THOC5: variants seen among roughly 807,000 people sequenced by gnomAD.
THOC5 encodes THO complex subunit 5.
Under a neutral mutation model 92.9 loss-of-function variants are expected in THOC5, and 43 were observed. That is an observed-to-expected ratio of 0.46 (90% confidence interval 0.36 to 0.60). The LOEUF is 0.60. Ranked by LOEUF, THOC5 falls within the 20% of genes least tolerant of loss-of-function variation. The pLI, the probability that THOC5 is intolerant of heterozygous loss-of-function variation, is 0.00. For synonymous variants in THOC5, 296 were observed against 320.1 expected (o/e 0.92, Z 0.80); for missense variants, 659 against 849.4 (o/e 0.78, Z 2.79).
intron 17 of THOC5, among the ~76,000 whole-genome samples, 174 bp downstream of exon 17, chr22:29,516,855 C>T (rs1365799175): frequency 6.6e-6 from 1 of 152,170 alleles, no homozygotes; most frequent in Non-Finnish European, 1.5e-5. Context: ...TGATACACAG[C>T]GTGTGTGTGA....
At position 29,508,412 on chromosome 22, in the gene THOC5, T is replaced by G; in HGVS notation, c.*45A>C. The G allele has an allele frequency of 6.3e-7, 1 of 1,586,724 alleles. No homozygotes were observed. The highest frequency in any genetic ancestry group is 1.1e-5 in the South Asian group (1 of 90,430). On this transcript the variant is annotated 3_prime_UTR_variant, in exon 20 of 20. Transcript: ENST00000490103. ...GCCAGAGCAGAAAGCAGAAGCCCAG[T>G]GCTCAGGGTGAGGCCTTGGGGGAAA...
At chr22:29,542,221 A>G (rs2063911636) in intron 5 of THOC5, among the ~76,000 whole-genome samples, 1 of 152,144 alleles carries the variant, frequency 6.6e-6, no homozygotes, top group African/African-American at 2.4e-5. Flanking sequence ...AGGTTAAAAG[A>G]ATGTGACTGG....
chr22:29,516,802 T>C (rs1006241921), intron 17 of THOC5, among the ~76,000 whole-genome samples: 10 of 152,178 alleles, frequency 6.6e-5, no homozygotes, highest in Non-Finnish European at 1.0e-4. Context: ...CCATGTAAAA[T>C]AGAAATGAAA....
chr22:29,544,662 C>G, intron 2 of THOC5, 59 bp from the exon 3 acceptor site: 1 of 1,449,264 alleles, frequency 6.9e-7, no homozygotes, highest in Non-Finnish European at 9.2e-7. Flanking sequence ...CTGCTGGGAT[C>G]AGGGACACTT....
At chr22:29,549,249 C>G in intron 1 of THOC5, 91 bp from the exon 2 acceptor site, 2 of 1,121,226 alleles carry the variant, frequency 1.8e-6, no homozygotes. Context: ...CTTGGTAACT[C>G]AAGGAAAGTC....
At chr22:29,541,640 T>A (rs2063885409) in intron 5 of THOC5, among the ~76,000 whole-genome samples, 1 of 150,080 alleles carries the variant, frequency 6.7e-6, no homozygotes, top group Non-Finnish European at 1.5e-5. Context: ...GGCAGGCGGA[T>A]CATAAGATCA....
intron 5 of THOC5, among the ~76,000 whole-genome samples, chr22:29,541,777 C>T (rs1473132904): frequency 1.5e-5 from 2 of 137,730 alleles, no homozygotes; most frequent in South Asian, 2.4e-4. Context: ...AGGAGAATGG[C>T]GTGAACCCGG....
intron 7 of THOC5, chr22:29,535,326 A>C (rs1402990103): frequency 1.3e-5 from 2 of 151,254 alleles, no homozygotes; most frequent in African/African-American, 4.9e-5. Context: ...GGTAAGGAAA[A>C]GGAAAAAAAA....
Position 29,520,124 on chromosome 22 carries a change from T to C in THOC5, c.1278-20A>G. On this transcript the variant is annotated intron_variant, in intron 13 of 19. Coordinates refer to ENST00000490103, the MANE Select transcript of THOC5 (RefSeq NM_003678.5). ...AGGATGCTGCAGAAAAGAAGATAAA[T>C]AAAATTGTGCTGTAAGTCATTTCTG... 1 of 1,608,882 alleles carries C rather than the reference T, an allele frequency of 6.2e-7. No individual in the cohort carries two copies. The highest frequency in any genetic ancestry group is 8.5e-7 in the Non-Finnish European group (1 of 1,176,096).
intron 17 of THOC5, among the ~76,000 whole-genome samples, chr22:29,514,378 G>A (rs566252631): frequency 3.8e-5 from 5 of 131,456 alleles, no homozygotes; most frequent in South Asian, 4.9e-4. Context: ...GTGCAGTGGC[G>A]CCATCTCAGC....
chr22:29,511,929 G>A, intron 18 of THOC5, 92 bp downstream of exon 18: 1 of 1,035,230 alleles, frequency 9.7e-7, no homozygotes, highest in Non-Finnish European at 1.5e-6. Flanking sequence ...AATTAAGGCA[G>A]TGCCCAAGTC....
At chr22:29,537,640 C>G (rs2063785928) in intron 6 of THOC5, among the ~76,000 whole-genome samples, 1 of 151,884 alleles carries the variant, frequency 6.6e-6, no homozygotes, top group Non-Finnish European at 1.5e-5. Context: ...GCCTGTAATC[C>G]CAACACTTTG....
At position 29,520,057 on chromosome 22, in the gene THOC5, A is replaced by G. The variant is rs1569212908; in HGVS notation, c.1325T>C (p.Leu442Ser). 1.2e-6 allele frequency: 2 copies of G among 1,613,960 alleles called. No individual in the cohort carries two copies. The highest frequency in any genetic ancestry group is 3.3e-4 in the Middle Eastern group (2 of 6,034). The change falls in exon 14 of 20, where the codon TTG (leucine) becomes TCG (serine). Residue 442 changes from leucine (L) to serine (S), a missense_variant. By Grantham distance (145) the Leu-to-Ser change is moderately radical (BLOSUM62 -2). Coordinates refer to ENST00000490103, the MANE Select transcript of THOC5 (RefSeq NM_003678.5). The stretch of plus-strand genomic sequence containing the variant: ...GAGGCCACCCAGCTTCTGCACCCAC[A>G]AATAGGGGTGACCTAGCTCAAGTAC... Reference protein sequence around the residue: ...DYVLELGHPYLWVQKLGGLHF... With the variant: ...DYVLELGHPYSWVQKLGGLHF...
chr22:29,509,319 T>C (rs2063180986), intron 19 of THOC5, among the ~76,000 whole-genome samples: 1 of 151,602 alleles, frequency 6.6e-6, no homozygotes, highest in Non-Finnish European at 1.5e-5. Context: ...ATGGGTCCTT[T>C]GGGAACCACT....
rs2063147672 is a variant in THOC5, at chr22:29,507,177, A to G, written c.*1280T>C. ...TGAGTCCCTGCACAGATTTTGTTCA[A>G]TAAAAATAACAGTGGTGCCTGCCTC... On this transcript the variant is annotated 3_prime_UTR_variant, in exon 20 of 20. Transcript: ENST00000490103. The G allele has an allele frequency of 6.6e-6, 1 of 151,996 alleles. No homozygotes were observed. Among genetic ancestry groups the G allele is most frequent in the Non-Finnish European group, 1.5e-5 (1 of 68,028 alleles). The allele number at this position is 151,996 out of a possible 1,614,324, so 9.4% of individuals were successfully genotyped here. A position where few individuals can be genotyped will look rare whatever the true frequency, so the allele number is the denominator to read the frequency against.
At chr22:29,530,530 A>T (rs530083729) in intron 8 of THOC5, among the ~76,000 whole-genome samples, 43 of 152,034 alleles carry the variant, frequency 2.8e-4, no homozygotes, top group African/African-American at 3.4e-4. Flanking sequence ...AAAAAAAAAA[A>T]TTTTTTTTAA....
chr22:29,546,175 C>G (rs2064014168), intron 2 of THOC5, among the ~76,000 whole-genome samples: 1 of 152,196 alleles, frequency 6.6e-6, no homozygotes, highest in South Asian at 2.1e-4. Flanking sequence ...GGCTGGGACA[C>G]AGGGCACCAA....
At chr22:29,527,876 G>C (rs183884393) in intron 11 of THOC5, among the ~76,000 whole-genome samples, 22 of 152,304 alleles carry the variant, frequency 1.4e-4, no homozygotes, top group Non-Finnish European at 1.5e-5. Flanking sequence ...TATGTGACTG[G>C]AGTTTTGTTG....
chr22:29,528,404 C>G (rs750274752), intron 10 of THOC5, 22 bp downstream of exon 10: 10 of 1,614,036 alleles, frequency 6.2e-6, no homozygotes, highest in Non-Finnish European at 7.6e-6. Flanking sequence ...TTGATGCCCC[C>G]ACAAGAGGAA....
Sources: gnomAD v4.1 joint callset for allele counts (sites outside exome capture counted in the v4.1 genomes callset) on GRCh38, gnomAD v4.1.1 for gene constraint, MANE v1.5 for transcripts, NCBI Gene and HGNC (gene_info 2026-07-23, HGNC 2026-07-21) for gene names.